The following CTNND2 variants were observed in gnomAD, a reference collection of about 807,000 sequenced individuals.
The protein encoded by CTNND2 is catenin delta 2.
A neutral mutation model predicts 144.4 loss-of-function variants in CTNND2; 22 were observed. The ratio of observed to expected loss-of-function variants is 0.15; its 90% CI spans 0.11 to 0.22. The LOEUF (loss-of-function observed/expected upper bound fraction) is 0.22, where lower values mean the gene tolerates loss of function less well. Among genes scored for constraint, CTNND2 ranks in the 10% least tolerant of loss-of-function variants. The pLI, the probability that CTNND2 is intolerant of heterozygous loss-of-function variation, is 1.00. For synonymous variants in CTNND2, 751 were observed against 695.6 expected, an observed-to-expected ratio of 1.08 and a Z score of -1.25; for missense variants, 1,353 against 1,618.8, an observed-to-expected ratio of 0.84 and a Z score of 2.82.
chr5:11,471,565 A>G (rs1036148110), intron 3 of CTNND2, among the ~76,000 whole-genome samples: 1 of 152,240 alleles, frequency 6.6e-6, no homozygotes, highest in African/African-American at 2.4e-5. Flanking sequence ...ATTTACCAAC[A>G]GTAAATGCTA....
intron 9 of CTNND2, among the ~76,000 whole-genome samples, chr5:11,313,004 T>C (rs1000246576): frequency 5.3e-5 from 8 of 152,178 alleles, no homozygotes; most frequent in African/African-American, 1.7e-4. Context: ...AGCACATCCA[T>C]TGGAGCAGGT....
At chr5:11,701,940 C>T (rs1025597376) in intron 2 of CTNND2, among the ~76,000 whole-genome samples, 16 of 152,192 alleles carry the variant, frequency 1.1e-4, no homozygotes, top group African/African-American at 3.6e-4. Context: ...AGTGCCTTCC[C>T]ACTGTGTCTA....
intron 7 of CTNND2, among the ~76,000 whole-genome samples, chr5:11,380,987 G>A (rs143372536): frequency 2.0e-5 from 3 of 152,170 alleles, no homozygotes; most frequent in East Asian, 1.9e-4. Flanking sequence ...CAGACCACCC[G>A]GTCCCTCTGC....
chr5:11,006,646 C>T (rs1008720801), intron 18 of CTNND2, among the ~76,000 whole-genome samples: 2 of 152,280 alleles, frequency 1.3e-5, no homozygotes, highest in Admixed American at 6.5e-5. Context: ...GAGCCCTTTC[C>T]GTGGAGGCAT....
chr5:11,893,822 C>A lies in CTNND2; in HGVS notation c.37+9995G>T, dbSNP rs148866566. Among the ~76,000 whole-genome samples, 444 of 152,214 alleles carry A rather than the reference C, an allele frequency of 2.9e-3. 2 individuals carry two copies. Among genetic ancestry groups the A allele is most frequent in the African/African-American group, 0.01 (425 of 41,524 alleles). On this transcript the variant is annotated intron_variant, in intron 1 of 21. Transcript: ENST00000304623. ...GTCACTATACAATTTATCACACAACCCATGCTAAACTGCTGAAAGAAGACT... is the reference window on the plus strand; with the variant it reads ...GTCACTATACAATTTATCACACAACACATGCTAAACTGCTGAAAGAAGACT...
chr5:11,346,401 C>G lies in CTNND2; in HGVS notation c.1599G>C (p.Pro533=). Residue 533 remains proline, a synonymous_variant, in exon 9 of 22, where the codon CCG becomes CCC. Transcript: ENST00000304623. ...GATCTTTCTGAATGCTATCAATGGA[C>G]GGGGACCTGGCCAAGGTGCCTTCAG... The part of the protein sequence containing the change: ...LPPEGTLARS[P]SIDSIQKDPR... 2 of 1,506,384 alleles carry G rather than the reference C, an allele frequency of 1.3e-6. No individual in the cohort carries two copies. Among genetic ancestry groups the G allele is most frequent in the Non-Finnish European group, 8.9e-7 (1 of 1,123,848 alleles). The allele number at this position is 1,506,384 out of a possible 1,614,324, so 93.3% of individuals were successfully genotyped here.
At chr5:11,327,235 T>G (rs1752623697) in intron 9 of CTNND2, among the ~76,000 whole-genome samples, 1 of 152,044 alleles carries the variant, frequency 6.6e-6, no homozygotes, top group Admixed American at 6.5e-5. Context: ...AGGGAAAGAA[T>G]AAAGCTTTCA....
chr5:11,823,498 A>G (rs1423206864), intron 1 of CTNND2, among the ~76,000 whole-genome samples: 1 of 152,208 alleles, frequency 6.6e-6, no homozygotes, highest in African/African-American at 2.4e-5. Flanking sequence ...ATCACTGAGG[A>G]TATTTTCATT....
intron 10 of CTNND2, among the ~76,000 whole-genome samples, chr5:11,224,101 C>T (rs963888275): frequency 6.6e-6 from 1 of 152,180 alleles, no homozygotes; most frequent in Admixed American, 6.5e-5. Context: ...GCCTTACCCT[C>T]CAAGTTGATC....
intron 2 of CTNND2, among the ~76,000 whole-genome samples, chr5:11,719,021 T>C (rs1786513607): frequency 6.6e-6 from 1 of 152,222 alleles, no homozygotes; most frequent in South Asian, 2.1e-4. Context: ...AATAAACTAA[T>C]ATGTGTTTGT....
At chr5:11,662,779 G>A (rs1173843280) in intron 2 of CTNND2, among the ~76,000 whole-genome samples, 1 of 152,032 alleles carries the variant, frequency 6.6e-6, no homozygotes, top group Non-Finnish European at 1.5e-5. Context: ...GGACAGTTTG[G>A]GCAGTTTCAT....
intron 2 of CTNND2, among the ~76,000 whole-genome samples, chr5:11,580,370 C>T (rs749386066): frequency 6.6e-6 from 1 of 152,164 alleles, no homozygotes; most frequent in Non-Finnish European, 1.5e-5. Flanking sequence ...TGGGAATAAT[C>T]TAACTTTCTT....
Position 11,155,024 on chromosome 5 carries a change from C to T in CTNND2, c.2159+4552G>A, listed in dbSNP as rs774807935. ...AATTGTATCTGCAAAGACCTTATTT[C>T]CAAATAAGATCACATTCTGAAGTTC... is the stretch of plus-strand genomic sequence containing the variant. On this transcript the variant is annotated intron_variant, in intron 12 of 21. Transcript: ENST00000304623. Among the ~76,000 whole-genome samples the T allele has an allele frequency of 5.1e-3, 777 of 152,324 alleles. 4 individuals are homozygous for T. Among genetic ancestry groups the T allele is most frequent in the Non-Finnish European group, 8.6e-3 (588 of 68,038 alleles).
At chr5:11,567,621 A>G (rs1777225307) in intron 2 of CTNND2, among the ~76,000 whole-genome samples, 1 of 152,044 alleles carries the variant, frequency 6.6e-6, no homozygotes, top group Non-Finnish European at 1.5e-5. Flanking sequence ...TTAACCTACC[A>G]TTTATCCCAT....
At chr5:11,344,117 A>G (rs545443289) in intron 9 of CTNND2, among the ~76,000 whole-genome samples, 26 of 152,332 alleles carry the variant, frequency 1.7e-4, no homozygotes, top group African/African-American at 5.5e-4. Context: ...TTAAATAAAA[A>G]CATGTTGCCG....
intron 2 of CTNND2, among the ~76,000 whole-genome samples, chr5:11,641,748 G>GTGTGTATGTACATACATATACGTATA (rs1561648937): frequency 7.6e-6 from 1 of 131,834 alleles, no homozygotes; most frequent in Non-Finnish European, 1.7e-5. Context: ...ACATATACGT[G>GTGTGTATGTACATACATATACGTATA]TGTATGTACA....
chr5:11,029,372 C>T (rs1743207226), intron 16 of CTNND2, among the ~76,000 whole-genome samples: 4 of 152,142 alleles, frequency 2.6e-5, no homozygotes, highest in African/African-American at 9.7e-5. Context: ...TAATTTCCTG[C>T]ACCACTATCT....
At position 11,384,504 on chromosome 5, in the gene CTNND2, A is replaced by G; in HGVS notation, c.1177+161T>C. On this transcript the variant is annotated intron_variant, in intron 7 of 21. Transcript: ENST00000304623. This position sits in a 1 kb window ranked among gnomAD's most constrained non-coding sequence, Gnocchi z 5.2. ...GTCACTGACAAACTGTAGGGAAGAT[A>G]CTGACTTGTTCCAGGAAAGCCCTGG... 3.2e-6 allele frequency: 2 copies of G among 632,406 alleles called. No homozygotes were observed. The highest frequency in any genetic ancestry group is 5.4e-6 in the Non-Finnish European group (2 of 367,868). 39.2% of individuals were successfully genotyped at this position (632,406 alleles called of 1,614,324 possible).
At chr5:11,871,912 C>A (rs1735161035) in intron 1 of CTNND2, among the ~76,000 whole-genome samples, 1 of 152,042 alleles carries the variant, frequency 6.6e-6, no homozygotes, top group Admixed American at 6.6e-5. Flanking sequence ...TCTATTCATT[C>A]TTTTTTATTA....
Sources: allele counts gnomAD v4.1 joint callset (sites outside exome capture counted in the v4.1 genomes callset), GRCh38; gene constraint gnomAD v4.1.1; non-coding constraint Gnocchi (gnomAD v3.1); transcripts MANE v1.5; gene names NCBI Gene and HGNC (gene_info 2026-07-23, HGNC 2026-07-21).